RPS6KC1: variants seen among roughly 807,000 people sequenced by gnomAD.
RPS6KC1 encodes inactive ribosomal protein S6 kinase delta-1.
Under a neutral mutation model 103.8 loss-of-function variants are expected in RPS6KC1, and 54 were observed. The observed-to-expected ratio is 0.52, with a 90% CI of 0.42 to 0.65. RPS6KC1 has a LOEUF of 0.65. RPS6KC1 is among the 30% of genes least tolerant of loss of function. The probability of loss-of-function intolerance (pLI) is 0.00; values close to 1 mark genes in which losing one functional copy is unlikely to be tolerated. For synonymous variants in RPS6KC1, 439 were observed against 438.7 expected, an observed-to-expected ratio of 1.00 and a Z score of -0.01; for missense variants, 1,151 against 1,253.8, an observed-to-expected ratio of 0.92 and a Z score of 1.24.
chr1:213,480,209 A>G, the RPS6KC1 span, among the ~76,000 whole-genome samples: 2 of 151,978 alleles, frequency 1.3e-5, no homozygotes, highest in Non-Finnish European at 2.9e-5. Flanking sequence ...GCATTTTCTG[A>G]TATTTAGTTT....
the RPS6KC1 span, among the ~76,000 whole-genome samples, chr1:213,476,485 G>T: frequency 1.3e-5 from 2 of 152,144 alleles, no homozygotes; most frequent in African/African-American, 2.4e-5. Context: ...AACCAATGTA[G>T]CTGAAGAATT....
intron 3 of RPS6KC1, among the ~76,000 whole-genome samples, chr1:213,104,198 A>G (rs1199395351): frequency 6.6e-6 from 1 of 152,224 alleles, no homozygotes; most frequent in African/African-American, 2.4e-5. Flanking sequence ...TTAAATTGAC[A>G]GGCTCTAAAT....
Position 213,077,816 on chromosome 1 carries a change from G to T in RPS6KC1, c.262G>T (p.Gly88Trp). 1 of 1,509,058 alleles carries T rather than the reference G, an allele frequency of 6.6e-7. No homozygotes were observed. The highest frequency in any genetic ancestry group is 8.9e-7 in the Non-Finnish European group (1 of 1,124,074). The allele number at this position is 1,509,058 out of a possible 1,614,324, so 93.5% of individuals were successfully genotyped here. ...TCCATTTGCTAAAGGAATAGTGTTT[G>T]GTAAGTGATTATTTTGAAATTGTAA... The part of the protein sequence containing the change: ...FPPFAKGIVF[G>W]RFDETVIEER... The change falls in exon 3 of 15, where the codon GGG becomes TGG. Residue 88 changes from glycine to tryptophan, a missense_variant and splice_region_variant. By Grantham distance (184) the Gly-to-Trp change is radical. This residue lies in a region of RPS6KC1 where 959 missense variants were observed against 1,006.3 expected (regional missense o/e 0.95). Coordinates refer to ENST00000366960, the MANE Select transcript of RPS6KC1 (RefSeq NM_012424.6).
the RPS6KC1 span, among the ~76,000 whole-genome samples, chr1:213,305,800 T>C: frequency 2.6e-3 from 400 of 152,352 alleles, 2 homozygotes; most frequent in African/African-American, 8.2e-3. Flanking sequence ...TCATCTCTCC[T>C]ATGTGCCGTG....
At chr1:213,267,068 C>T (rs2094928860) in intron 14 of RPS6KC1, among the ~76,000 whole-genome samples, 1 of 151,750 alleles carries the variant, frequency 6.6e-6, no homozygotes, top group South Asian at 2.1e-4. Flanking sequence ...GAGGACTGAT[C>T]CTGAGGCTGT....
At chr1:213,657,764 TACA>T in the RPS6KC1 span, among the ~76,000 whole-genome samples, 1 of 152,236 alleles carries the variant, frequency 6.6e-6, no homozygotes, top group Non-Finnish European at 1.5e-5. Flanking sequence ...TTGCTGCTCT[TACA>T]ACACTAGAGT....
the RPS6KC1 span, among the ~76,000 whole-genome samples, chr1:213,532,067 C>G: frequency 0.65 from 98,336 of 152,096 alleles, 33,902 homozygotes; most frequent in East Asian, 0.98. Context: ...ACCTGGCATG[C>G]CAGGGCTAGC....
the RPS6KC1 span, among the ~76,000 whole-genome samples, chr1:213,775,149 A>G: frequency 6.6e-6 from 1 of 152,252 alleles, no homozygotes; most frequent in South Asian, 2.1e-4. Flanking sequence ...TTTCTAATCA[A>G]CAATACATTG....
chr1:213,051,971 A>C (rs2076985032), intron 1 of RPS6KC1, among the ~76,000 whole-genome samples: 1 of 152,164 alleles, frequency 6.6e-6, no homozygotes, highest in South Asian at 2.1e-4. Flanking sequence ...GACAGATGTC[A>C]GTGTTAGGCC....
At chr1:213,251,023 T>C (rs1356702042) in intron 12 of RPS6KC1, among the ~76,000 whole-genome samples, 1 of 152,132 alleles carries the variant, frequency 6.6e-6, no homozygotes, top group Non-Finnish European at 1.5e-5. Flanking sequence ...GGTGCCTAAA[T>C]TCCTTTAATT....
chr1:213,796,049 C>A, the RPS6KC1 span, among the ~76,000 whole-genome samples: 2 of 152,176 alleles, frequency 1.3e-5, no homozygotes, highest in Non-Finnish European at 2.9e-5. Context: ...GTTCACATTA[C>A]GGCCTGTAGT....
chr1:213,406,498 G>A, the RPS6KC1 span, among the ~76,000 whole-genome samples: 830 of 152,288 alleles, frequency 5.5e-3, 7 homozygotes, highest in African/African-American at 0.019. Flanking sequence ...GAGGTCAGAG[G>A]AAAGGTGGGA....
intron 3 of RPS6KC1, among the ~76,000 whole-genome samples, chr1:213,082,635 G>A (rs1416469403): frequency 6.6e-6 from 1 of 152,112 alleles, no homozygotes. Context: ...AAATGAACTG[G>A]GTAAGCTAGC....
At chr1:213,767,335 C>T in the RPS6KC1 span, among the ~76,000 whole-genome samples, 2 of 152,264 alleles carry the variant, frequency 1.3e-5, no homozygotes, top group South Asian at 2.1e-4. Context: ...GTATCTTTGA[C>T]CTCATTATAG....
At chr1:213,520,607 C>T in the RPS6KC1 span, among the ~76,000 whole-genome samples, 12 of 152,232 alleles carry the variant, frequency 7.9e-5, no homozygotes, top group South Asian at 1.2e-3. Context: ...TCCCCTCCCT[C>T]GTTTCCTTCC....
At chr1:213,597,935 CT>C in the RPS6KC1 span, among the ~76,000 whole-genome samples, 6 of 152,190 alleles carry the variant, frequency 3.9e-5, no homozygotes, top group East Asian at 1.2e-3. Context: ...GAGTGAGCGG[CT>C]CCTGGAGAAG....
At chr1:213,253,966 C>T (rs1429886194) in intron 12 of RPS6KC1, among the ~76,000 whole-genome samples, 2 of 152,074 alleles carry the variant, frequency 1.3e-5, no homozygotes, top group East Asian at 1.9e-4. Context: ...GACTATAAAA[C>T]TTTGTTATTC....
At chr1:213,525,682 T>A in the RPS6KC1 span, among the ~76,000 whole-genome samples, 2 of 152,048 alleles carry the variant, frequency 1.3e-5, no homozygotes. Context: ...GAAAACATTG[T>A]CTCAGGTTAC....
chr1:213,465,489 T>G, the RPS6KC1 span, among the ~76,000 whole-genome samples: 3 of 152,204 alleles, frequency 2.0e-5, no homozygotes, highest in Admixed American at 6.5e-5. Flanking sequence ...CAATCAGCTG[T>G]GTATTGACAT....
Sources: allele counts gnomAD v4.1 joint callset (sites outside exome capture counted in the v4.1 genomes callset), GRCh38; gene constraint gnomAD v4.1.1; regional missense constraint gnomAD v4.1.1; transcripts MANE v1.5; gene names NCBI Gene and HGNC (gene_info 2026-07-23, HGNC 2026-07-21).